Variants in AKAP19 observed in about 807,000 individuals in gnomAD.
AKAP19 encodes A-kinase anchoring protein 19.
the AKAP19 span, among the ~76,000 whole-genome samples, chr2:189,982,913 T>A: frequency 1.3e-5 from 2 of 152,044 alleles, no homozygotes; most frequent in African/African-American, 4.8e-5. Flanking sequence ...CTCAGGAAGA[T>A]TATGGACTAG....
At chr2:190,048,532 A>C in the AKAP19 span, among the ~76,000 whole-genome samples, 3 of 152,148 alleles carry the variant, frequency 2.0e-5, no homozygotes, top group Admixed American at 6.6e-5. Flanking sequence ...TGCCTTTAAA[A>C]ACCTGCTAGT....
chr2:189,992,118 C>T, the AKAP19 span, among the ~76,000 whole-genome samples: 1 of 148,424 alleles, frequency 6.7e-6, no homozygotes, highest in Non-Finnish European at 1.5e-5. Context: ...GGTGCGATCT[C>T]TGCTCACCAC....
the AKAP19 span, among the ~76,000 whole-genome samples, chr2:189,908,898 A>G: frequency 6.6e-6 from 1 of 152,248 alleles, no homozygotes; most frequent in African/African-American, 2.4e-5. Flanking sequence ...GTCCAAGTCC[A>G]GTGTTTCCTT....
the AKAP19 span, among the ~76,000 whole-genome samples, chr2:190,134,224 T>C: frequency 1.3e-5 from 2 of 152,160 alleles, no homozygotes; most frequent in Non-Finnish European, 2.9e-5. Flanking sequence ...TGAACTTATA[T>C]GGGCTCTCGT....
chr2:190,096,291 GC>G, the AKAP19 span, among the ~76,000 whole-genome samples: 1 of 152,212 alleles, frequency 6.6e-6, no homozygotes. Context: ...GTTCAGGCTA[GC>G]CATGTTGGTA....
chr2:189,884,174 G>A, the AKAP19 span, among the ~76,000 whole-genome samples: 3 of 152,076 alleles, frequency 2.0e-5, no homozygotes, highest in Admixed American at 6.6e-5. Context: ...TGTGAATGGA[G>A]CGAACATATT....
chr2:189,917,384 C>A, the AKAP19 span: 6 of 966,144 alleles, frequency 6.2e-6, no homozygotes, highest in Non-Finnish European at 9.8e-6. Flanking sequence ...TCCATATTTC[C>A]TCATGCCAGA....
At chr2:190,062,544 G>A in the AKAP19 span, 1 of 1,613,036 alleles carries the variant, frequency 6.2e-7, no homozygotes, top group African/African-American at 1.3e-5. Context: ...CACTGGACCA[G>A]CAACAATCAG....
the AKAP19 span, among the ~76,000 whole-genome samples, chr2:190,080,576 T>C: frequency 6.6e-6 from 1 of 152,212 alleles, no homozygotes. Context: ...CCAATAAATG[T>C]TCACATCTAG....
the AKAP19 span, among the ~76,000 whole-genome samples, chr2:190,073,520 C>T: frequency 6.6e-6 from 1 of 151,832 alleles, no homozygotes; most frequent in Non-Finnish European, 1.5e-5. Flanking sequence ...AATATTAATA[C>T]TCTAAAAGCC....
At chr2:190,094,790 GGAT>G in the AKAP19 span, among the ~76,000 whole-genome samples, 1 of 152,156 alleles carries the variant, frequency 6.6e-6, no homozygotes, top group Non-Finnish European at 1.5e-5. Flanking sequence ...GCTTTTGTAA[GGAT>G]GATAAGGGAG....
the AKAP19 span, among the ~76,000 whole-genome samples, chr2:190,077,514 G>A: frequency 6.6e-6 from 1 of 152,078 alleles, no homozygotes; most frequent in African/African-American, 2.4e-5. Context: ...ATGTTGGTCA[G>A]GCTAGTCTTG....
At chr2:190,183,660 T>A in the AKAP19 span, among the ~76,000 whole-genome samples, 1 of 152,106 alleles carries the variant, frequency 6.6e-6, no homozygotes, top group South Asian at 2.1e-4. Context: ...GGAAAAAAGT[T>A]CTGTTTGAAT....
chr2:190,064,476 A>G, the AKAP19 span, among the ~76,000 whole-genome samples: 1 of 152,062 alleles, frequency 6.6e-6, no homozygotes, highest in African/African-American at 2.4e-5. Flanking sequence ...GGAGTCAGAT[A>G]GACCTGAGTT....
At chr2:190,126,319 AAAAAAG>A in the AKAP19 span, among the ~76,000 whole-genome samples, 14 of 144,120 alleles carry the variant, frequency 9.7e-5, no homozygotes, top group African/African-American at 3.3e-4. Flanking sequence ...AAAAAAAAAA[AAAAAAG>A]GTGTATATTT....
the AKAP19 span, among the ~76,000 whole-genome samples, chr2:190,033,000 C>A: frequency 6.6e-6 from 1 of 152,218 alleles, no homozygotes; most frequent in East Asian, 1.9e-4. Flanking sequence ...ATCCACTCAA[C>A]CTTTCCTAGC....
chr2:189,889,398 T>C, the AKAP19 span, among the ~76,000 whole-genome samples: 39 of 152,144 alleles, frequency 2.6e-4, no homozygotes, highest in Non-Finnish European at 4.0e-4. Context: ...AAATTTTCTT[T>C]TTTGTGTCTG....
At chr2:189,897,676 C>A in the AKAP19 span, among the ~76,000 whole-genome samples, 1 of 152,074 alleles carries the variant, frequency 6.6e-6, no homozygotes, top group African/African-American at 2.4e-5. Context: ...TAAGGTAGAT[C>A]TGAAAAACTA....
the AKAP19 span, among the ~76,000 whole-genome samples, chr2:190,073,511 A>G: frequency 1.3e-5 from 2 of 152,090 alleles, no homozygotes; most frequent in Admixed American, 6.6e-5. Flanking sequence ...CGCAATCAAA[A>G]TATTAATACT....
Sources: gnomAD v4.1 joint callset for allele counts (sites outside exome capture counted in the v4.1 genomes callset) on GRCh38, gnomAD v4.1.1 for gene constraint, MANE v1.5 for transcripts, NCBI Gene and HGNC (gene_info 2026-07-23, HGNC 2026-07-21) for gene names.